Variants in FOXP2 observed in about 807,000 individuals in gnomAD.
FOXP2 encodes forkhead box protein P2.
A neutral mutation model predicts 115.8 loss-of-function variants in FOXP2; 12 were observed. The observed-to-expected ratio is 0.10, with a 90% CI of 0.07 to 0.17. The LOEUF (loss-of-function observed/expected upper bound fraction) is 0.17, where lower values mean the gene tolerates loss of function less well. Among genes scored for constraint, FOXP2 ranks in the 10% least tolerant of loss-of-function variants. The pLI is 1.00. For missense variants in FOXP2, 629 were observed against 843.5 expected (o/e 0.75, Z 3.15); for synonymous variants, 328 against 297.7 (o/e 1.10, Z -1.05).
At chr7:114,472,115 A>G (rs1796076173) in intron 2 of FOXP2, among the ~76,000 whole-genome samples, 1 of 152,162 alleles carries the variant, frequency 6.6e-6, no homozygotes, top group Non-Finnish European at 1.5e-5. Flanking sequence ...TGACTAGCTG[A>G]AAGGGTTAAT....
chr7:114,226,700 C>A (rs1794756524), intron 1 of FOXP2, among the ~76,000 whole-genome samples: 1 of 152,050 alleles, frequency 6.6e-6, no homozygotes, highest in Non-Finnish European at 1.5e-5. Context: ...TATCTCTTTT[C>A]CATTTTTTTT....
At chr7:114,373,930 CT>C (rs1388484134) in intron 2 of FOXP2, among the ~76,000 whole-genome samples, 2 of 152,098 alleles carry the variant, frequency 1.3e-5, no homozygotes, top group African/African-American at 4.8e-5. Context: ...CAAAAGTATG[CT>C]TTTTTTTCCT....
chr7:114,653,977 C>T lies in FOXP2; in HGVS notation c.1234C>T (p.Arg412Ter), dbSNP rs1806431895. 6.2e-7 allele frequency: 1 copy of T among 1,613,210 alleles called. No individual in the cohort carries two copies. Reference sequence around the variant, plus strand: ...AGCAATGATGACCCACTTGCACATGCGACCCTCAGAGCCCAAACCATCTCC... The same window carrying T: ...AGCAATGATGACCCACTTGCACATGTGACCCTCAGAGCCCAAACCATCTCC... ...LQAMMTHLHM[R>*]PSEPKPSPKP... The change falls in exon 10 of 17, where the codon CGA becomes TGA. Residue 412 changes from arginine to a stop codon, truncating the protein, a stop_gained. Coordinates refer to ENST00000350908, the MANE Select transcript of FOXP2 (RefSeq NM_014491.4). LOFTEE classifies it high-confidence loss of function.
intron 2 of FOXP2, among the ~76,000 whole-genome samples, chr7:114,457,829 C>T (rs930848987): frequency 5.4e-5 from 8 of 149,270 alleles, no homozygotes; most frequent in South Asian, 2.1e-4. Context: ...ACCCAGGAGG[C>T]AGAGCTCGCA....
At chr7:114,321,514 T>A (rs1186806533) in intron 2 of FOXP2, among the ~76,000 whole-genome samples, 1 of 152,120 alleles carries the variant, frequency 6.6e-6, no homozygotes, top group Non-Finnish European at 1.5e-5. Flanking sequence ...AACTTTTAAA[T>A]AAAGTTGTCT....
intron 2 of FOXP2, among the ~76,000 whole-genome samples, chr7:114,474,749 A>G (rs1796184050): frequency 1.3e-5 from 2 of 152,288 alleles, no homozygotes; most frequent in South Asian, 2.1e-4. Flanking sequence ...CAGTAATTCA[A>G]TACCAGCATT....
At chr7:114,305,483 C>G (rs1425303423) in intron 2 of FOXP2, among the ~76,000 whole-genome samples, 1 of 152,050 alleles carries the variant, frequency 6.6e-6, no homozygotes, top group African/African-American at 2.4e-5. Context: ...AGGTAGAGTT[C>G]TTGAATAAAT....
intron 1 of FOXP2, among the ~76,000 whole-genome samples, chr7:114,209,017 G>A (rs952626736): frequency 6.6e-6 from 1 of 152,196 alleles, no homozygotes; most frequent in Non-Finnish European, 1.5e-5. Context: ...GAATGATATG[G>A]TTTGGCTGTG....
chr7:114,475,982 G>A (rs1796241183), intron 2 of FOXP2, among the ~76,000 whole-genome samples: 1 of 151,652 alleles, frequency 6.6e-6, no homozygotes. Flanking sequence ...TATATCTAAT[G>A]TAAACATTCA....
At chr7:114,685,533 A>G (rs1414123709) in intron 16 of FOXP2, among the ~76,000 whole-genome samples, 9 of 152,168 alleles carry the variant, frequency 5.9e-5, no homozygotes, top group Non-Finnish European at 1.3e-4. Context: ...ATATAATTTC[A>G]TGATTTACCC....
At chr7:114,293,707 A>G (rs1796666670) in intron 2 of FOXP2, among the ~76,000 whole-genome samples, 2 of 152,132 alleles carry the variant, frequency 1.3e-5, no homozygotes, top group South Asian at 4.1e-4. Context: ...CCCCTTCACT[A>G]GGCACTCATT....
At chr7:114,278,441 C>T (rs947985769) in intron 1 of FOXP2, among the ~76,000 whole-genome samples, 1 of 151,878 alleles carries the variant, frequency 6.6e-6, no homozygotes. Flanking sequence ...CTGCAACCAC[C>T]GTCTCTGGGT....
chr7:114,469,732 T>A (rs1026537203), intron 2 of FOXP2, among the ~76,000 whole-genome samples: 4 of 152,176 alleles, frequency 2.6e-5, no homozygotes, highest in Non-Finnish European at 5.9e-5. Context: ...TTCTTCTGAT[T>A]TGCCATAGTA....
At chr7:114,591,896 A>G (rs371875197) in intron 3 of FOXP2, among the ~76,000 whole-genome samples, 4 of 152,088 alleles carry the variant, frequency 2.6e-5, no homozygotes, top group East Asian at 3.9e-4. Flanking sequence ...ACCACTAGCC[A>G]TATGTGGCTA....
intron 3 of FOXP2, among the ~76,000 whole-genome samples, chr7:114,552,320 C>T (rs1296875454): frequency 2.0e-5 from 3 of 152,186 alleles, no homozygotes; most frequent in Non-Finnish European, 4.4e-5. Flanking sequence ...CAAGGTTTGA[C>T]TCCACCATTT....
intron 16 of FOXP2, among the ~76,000 whole-genome samples, chr7:114,677,172 C>CAAAAAAAAAAA: frequency 1.9e-5 from 1 of 52,904 alleles, no homozygotes; most frequent in Admixed American, 1.9e-4. Flanking sequence ...TCTCAAAAAA[C>CAAAAAAAAAAA]AAAAAAAAAA....
At chr7:114,118,784 C>G (rs1770457869) in intron 1 of FOXP2, among the ~76,000 whole-genome samples, 2 of 152,026 alleles carry the variant, frequency 1.3e-5, no homozygotes, top group African/African-American at 4.8e-5. Context: ...ATTTCACTCT[C>G]TCATAAGTAC....
intron 2 of FOXP2, among the ~76,000 whole-genome samples, chr7:114,501,414 G>C (rs910334350): frequency 3.9e-5 from 6 of 151,970 alleles, no homozygotes; most frequent in African/African-American, 7.2e-5. Context: ...ATAGTGCTGC[G>C]GTTCACTAGC....
chr7:114,106,369 T>TC, intron 1 of FOXP2, among the ~76,000 whole-genome samples: 1 of 151,960 alleles, frequency 6.6e-6, no homozygotes, highest in East Asian at 1.9e-4. Flanking sequence ...TTTTTTTTTT[T>TC]TTCTGTTTTT....
Sources: allele counts gnomAD v4.1 joint callset (sites outside exome capture counted in the v4.1 genomes callset), GRCh38; gene constraint gnomAD v4.1.1; transcripts MANE v1.5; gene names NCBI Gene and HGNC (gene_info 2026-07-23, HGNC 2026-07-21).